GRM8: variants seen among roughly 807,000 people sequenced by gnomAD.
GRM8 encodes glutamate metabotropic receptor 8.
Under a neutral mutation model 87.2 loss-of-function variants are expected in GRM8, and 47 were observed. That is an observed-to-expected ratio of 0.54 (90% CI 0.43 to 0.69). The LOEUF is 0.69. Ranked by LOEUF, GRM8 falls within the 30% of genes least tolerant of loss-of-function variation. The pLI, the probability that GRM8 is intolerant of heterozygous loss-of-function variation, is 0.00. For synonymous variants in GRM8, 396 were observed against 404.5 expected (o/e 0.98, Z 0.25); for missense variants, 1,019 against 1,139.2 (o/e 0.89, Z 1.52).
chr7:126,802,242 C>A (rs149051358), intron 6 of GRM8, among the ~76,000 whole-genome samples: 305 of 152,204 alleles, frequency 2.0e-3, no homozygotes, highest in African/African-American at 7.2e-3. Flanking sequence ...CAATATATGG[C>A]TTCTAACTGT....
intron 2 of GRM8, among the ~76,000 whole-genome samples, chr7:127,199,861 C>A (rs1380122598): frequency 6.6e-6 from 1 of 152,108 alleles, no homozygotes; most frequent in Non-Finnish European, 1.5e-5. Context: ...AGGCTTCAGA[C>A]AAAATACTAT....
At chr7:126,539,449 A>T (rs1411130238) in intron 8 of GRM8, among the ~76,000 whole-genome samples, 2 of 152,020 alleles carry the variant, frequency 1.3e-5, no homozygotes, top group African/African-American at 4.8e-5. Flanking sequence ...CTGATCCTAA[A>T]ATTTATATGG....
intron 7 of GRM8, among the ~76,000 whole-genome samples, chr7:126,616,532 G>A (rs1486459395): frequency 2.6e-5 from 4 of 152,084 alleles, no homozygotes; most frequent in Admixed American, 2.6e-4. Context: ...GATCAGAGCA[G>A]AACTGAAGGA....
At chr7:126,860,947 C>T (rs773571922) in intron 6 of GRM8, among the ~76,000 whole-genome samples, 13 of 152,124 alleles carry the variant, frequency 8.5e-5, no homozygotes, top group Non-Finnish European at 1.6e-4. Flanking sequence ...GAATCCATTT[C>T]GTATGGTGAA....
At chr7:126,821,162 C>T (rs571494430) in intron 6 of GRM8, among the ~76,000 whole-genome samples, 2 of 152,288 alleles carry the variant, frequency 1.3e-5, no homozygotes, top group African/African-American at 4.8e-5. Flanking sequence ...CTTAAACTTC[C>T]CCAACTATTA....
At chr7:126,446,792 T>G (rs1395314829) in intron 9 of GRM8, among the ~76,000 whole-genome samples, 3 of 151,918 alleles carry the variant, frequency 2.0e-5, no homozygotes, top group Non-Finnish European at 2.9e-5. Context: ...ATAGTGAAAA[T>G]AGAGTGGGAG....
At chr7:127,180,427 G>A (rs961196855) in intron 2 of GRM8, among the ~76,000 whole-genome samples, 2 of 152,000 alleles carry the variant, frequency 1.3e-5, no homozygotes, top group African/African-American at 4.8e-5. Flanking sequence ...ATCCAAAAAA[G>A]AATTGTTACC....
In GRM8 at chr7:127,199,681, C is replaced by T. The variant is rs1472846220; in HGVS notation, c.510+43014G>A. Among the ~76,000 whole-genome samples the T allele has an allele frequency of 3.9e-5, 6 of 152,192 alleles. 1 individual carries two copies. The highest frequency in any genetic ancestry group is 2.0e-4 in the Admixed American group (3 of 15,284). On this transcript the variant is annotated intron_variant, in intron 2 of 10. Transcript: ENST00000339582. ...TTCAGCAGCCTTGTCTGAAACCACA[C>T]TGACTGTTGTTAAAAATGATGCAAA...
At chr7:126,848,741 A>T (rs190988382) in intron 6 of GRM8, among the ~76,000 whole-genome samples, 29 of 152,286 alleles carry the variant, frequency 1.9e-4, no homozygotes, top group Admixed American at 1.0e-3. Context: ...GGATCACTTG[A>T]GCCCAGGAGG....
At chr7:126,538,874 A>G (rs1816185150) in intron 8 of GRM8, among the ~76,000 whole-genome samples, 2 of 152,066 alleles carry the variant, frequency 1.3e-5, no homozygotes. Flanking sequence ...TACATGTTGC[A>G]CAGTTAATCT....
In GRM8 at chr7:126,943,649, G is replaced by A. The variant is rs17866334; in HGVS notation, c.728-38966C>T. Reference sequence around the variant, plus strand: ...AGGAATAGCTCTTGGGGTGATTCAAGGTGAAACCTTATCCATTTCTTCCCT... The same window carrying A: ...AGGAATAGCTCTTGGGGTGATTCAAAGTGAAACCTTATCCATTTCTTCCCT... On this transcript the variant is annotated intron_variant, in intron 3 of 10. Transcript: ENST00000339582. 5.5e-3 allele frequency among the ~76,000 whole-genome samples: 833 copies of A among 152,284 alleles called. 9 individuals are homozygous for A. The highest frequency in any genetic ancestry group is 0.019 in the African/African-American group (783 of 41,570).
chr7:126,696,000 G>A (rs1440108802), intron 7 of GRM8, among the ~76,000 whole-genome samples: 1 of 152,102 alleles, frequency 6.6e-6, no homozygotes, highest in Non-Finnish European at 1.5e-5. Context: ...TAAAGAAAAG[G>A]GTGAAGGCAA....
chr7:126,869,627 G>C (rs1261774853), intron 6 of GRM8: 1 of 152,122 alleles, frequency 6.6e-6, no homozygotes, highest in Non-Finnish European at 1.5e-5. Flanking sequence ...GAGTGACCAG[G>C]TACATTGTCA....
At chr7:126,543,506 T>C (rs183152535) in intron 8 of GRM8, among the ~76,000 whole-genome samples, 33 of 152,328 alleles carry the variant, frequency 2.2e-4, no homozygotes, top group Admixed American at 9.8e-4. Context: ...TAAGACCTAA[T>C]AGGCATCAAT....
chr7:126,438,835 T>C lies in GRM8; in HGVS notation c.*284A>G. On this transcript the variant is annotated 3_prime_UTR_variant, in exon 11 of 11. Coordinates refer to ENST00000339582, the MANE Select transcript of GRM8 (RefSeq NM_000845.3). The stretch of plus-strand genomic sequence containing the variant: ...CATTATTTATTTCAACAGCATTTTT[T>C]TTCACGAGCTAACATTAGTTTTCCT... 1 of 322,032 alleles carries C rather than the reference T, an allele frequency of 3.1e-6. No individual in the cohort carries two copies. Among genetic ancestry groups the C allele is most frequent in the East Asian group, 5.5e-5 (1 of 18,092 alleles). 19.9% of individuals were successfully genotyped at this position (322,032 alleles called of 1,614,324 possible).
chr7:127,145,266 T>G (rs1242250919), intron 2 of GRM8, among the ~76,000 whole-genome samples: 1 of 152,168 alleles, frequency 6.6e-6, no homozygotes, highest in African/African-American at 2.4e-5. Flanking sequence ...TTCCCTTTTA[T>G]GTACTTACAT....
intron 6 of GRM8, among the ~76,000 whole-genome samples, chr7:126,857,893 G>A (rs577889274): frequency 6.6e-6 from 1 of 152,218 alleles, no homozygotes; most frequent in African/African-American, 2.4e-5. Flanking sequence ...AGGCTGCAGT[G>A]AGCTACAATC....
chr7:126,565,891 G>T (rs1192961961), intron 8 of GRM8, among the ~76,000 whole-genome samples: 1 of 152,000 alleles, frequency 6.6e-6, no homozygotes, highest in Non-Finnish European at 1.5e-5. Context: ...GTGAATATTT[G>T]GTCAAATGAT....
intron 3 of GRM8, among the ~76,000 whole-genome samples, chr7:127,056,548 C>A (rs1820006125): frequency 6.6e-6 from 1 of 152,070 alleles, no homozygotes; most frequent in African/African-American, 2.4e-5. Context: ...GCAGGTGGTC[C>A]TGGAGACTGG....
Sources: allele counts gnomAD v4.1 joint callset (sites outside exome capture counted in the v4.1 genomes callset), GRCh38; gene constraint gnomAD v4.1.1; transcripts MANE v1.5; gene names NCBI Gene and HGNC (gene_info 2026-07-23, HGNC 2026-07-21).